Variants in PDZRN4 observed in about 807,000 individuals in gnomAD.
PDZRN4 encodes PDZ domain-containing RING finger protein 4.
A neutral mutation model predicts 99.0 loss-of-function variants in PDZRN4; 70 were observed. The ratio of observed to expected loss-of-function variants is 0.71; its 90% CI spans 0.58 to 0.86. The LOEUF (loss-of-function observed/expected upper bound fraction) is 0.86. Ranked by LOEUF, PDZRN4 falls within the 40% of genes least tolerant of loss-of-function variation. PDZRN4 has a pLI of 0.00. For missense variants in PDZRN4, 1,474 were observed against 1,331.2 expected, an observed-to-expected ratio of 1.11 and a Z score of -1.67; for synonymous variants, 551 against 501.6, an observed-to-expected ratio of 1.10 and a Z score of -1.32.
At chr12:41,424,695 A>T (rs1044643132) in intron 3 of PDZRN4, among the ~76,000 whole-genome samples, 1 of 152,126 alleles carries the variant, frequency 6.6e-6, no homozygotes, top group Non-Finnish European at 1.5e-5. Flanking sequence ...GAAAAGGTGA[A>T]TTTTTCCTTT....
chr12:41,299,665 AT>A (rs1951520842), intron 3 of PDZRN4, among the ~76,000 whole-genome samples: 1 of 151,752 alleles, frequency 6.6e-6, no homozygotes, highest in Admixed American at 6.6e-5. Context: ...TTTTAATTTA[AT>A]TTTATGGGAA....
chr12:41,349,952 T>G (rs1460980291), intron 3 of PDZRN4, among the ~76,000 whole-genome samples: 2 of 151,374 alleles, frequency 1.3e-5, no homozygotes, highest in Non-Finnish European at 2.9e-5. Context: ...CACCACATGG[T>G]TGGAGTAAAG....
intron 3 of PDZRN4, among the ~76,000 whole-genome samples, chr12:41,419,943 G>T (rs929951934): frequency 2.0e-5 from 3 of 152,140 alleles, no homozygotes; most frequent in African/African-American, 7.2e-5. Context: ...AAAGCAAGTT[G>T]TCACTTCTAA....
chr12:41,507,116 G>A (rs972189171), intron 4 of PDZRN4, among the ~76,000 whole-genome samples: 3 of 152,024 alleles, frequency 2.0e-5, no homozygotes, highest in African/African-American at 7.2e-5. Context: ...TCTCCTCTGT[G>A]GGCCACCTCT....
chr12:41,359,587 T>C (rs1951951059), intron 3 of PDZRN4, among the ~76,000 whole-genome samples: 2 of 151,970 alleles, frequency 1.3e-5, no homozygotes, highest in Admixed American at 6.6e-5. Flanking sequence ...GTTCTTGTGA[T>C]AGTAAATAAG....
At chr12:41,553,314 C>T (rs999565691) in intron 6 of PDZRN4, among the ~76,000 whole-genome samples, 2 of 152,220 alleles carry the variant, frequency 1.3e-5, no homozygotes, top group African/African-American at 2.4e-5. Context: ...ATGCGAGATA[C>T]TGTTAGTGTT....
At chr12:41,537,521 C>T (rs561310023) in intron 5 of PDZRN4, among the ~76,000 whole-genome samples, 4 of 151,986 alleles carry the variant, frequency 2.6e-5, no homozygotes, top group East Asian at 3.9e-4. Context: ...TTGGCTAGGT[C>T]GTCAGATGTG....
At chr12:41,403,466 G>A (rs193241185) in intron 3 of PDZRN4, among the ~76,000 whole-genome samples, 2 of 152,236 alleles carry the variant, frequency 1.3e-5, no homozygotes, top group South Asian at 2.1e-4. Context: ...AAATATTTCG[G>A]CTGTTTTGAA....
intron 3 of PDZRN4, among the ~76,000 whole-genome samples, chr12:41,425,452 AC>A (rs1378483453): frequency 6.6e-6 from 1 of 152,030 alleles, no homozygotes; most frequent in African/African-American, 2.4e-5. Context: ...GAACAACTGG[AC>A]AATTTTTTCT....
chr12:41,350,994 A>C (rs1221224033), intron 3 of PDZRN4, among the ~76,000 whole-genome samples: 1 of 152,180 alleles, frequency 6.6e-6, no homozygotes, highest in Non-Finnish European at 1.5e-5. Context: ...ATAGGCTTCA[A>C]TATCTGACAA....
Position 41,429,549 on chromosome 12 carries a change from T to G in PDZRN4, c.844-76907T>G, listed in dbSNP as rs571182738. On this transcript the variant is annotated intron_variant, in intron 3 of 9. Coordinates refer to ENST00000402685, the MANE Select transcript of PDZRN4 (RefSeq NM_001164595.2). ...TTCCTTCTTCTGGCCCTCTAGGAAT[T>G]TGTCATAATGATGACTGTCTCTGAG... Among the ~76,000 whole-genome samples the G allele has an allele frequency of 9.4e-4, 143 of 152,282 alleles. 1 individual carries two copies. Among genetic ancestry groups the G allele is most frequent in the Admixed American group, 1.8e-3 (27 of 15,298 alleles).
chr12:41,217,889 C>G (rs17129131), intron 3 of PDZRN4, among the ~76,000 whole-genome samples: 3,907 of 152,098 alleles, frequency 0.026, 171 homozygotes, highest in African/African-American at 0.089. Context: ...TGAAGAAATA[C>G]TGAAAAAAGA....
In PDZRN4 at chr12:41,335,492, T is replaced by C. The variant is rs1422350372; in HGVS notation, c.843+141304T>C. Among the ~76,000 whole-genome samples, 3 of 152,098 alleles carry C rather than the reference T, an allele frequency of 2.0e-5. No individual in the cohort carries two copies. In the South Asian group the frequency reaches 6.2e-4, roughly 31 times the overall value. ...CAATAACTCTTAGCTACGTTAATTA[T>C]TGAGTTTTTGAAAAACTAATTAATG... On this transcript the variant is annotated intron_variant, in intron 3 of 9. Transcript: ENST00000402685.
chr12:41,477,801 C>T (rs1937618389), intron 3 of PDZRN4: 1 of 922,274 alleles, frequency 1.1e-6, no homozygotes. Flanking sequence ...GCGCCTTTAC[C>T]ATGCATGTGG....
chr12:41,270,288 TGTGTGTGTGTGTCTGTGTGTGTG>T (rs1427792942), intron 3 of PDZRN4, among the ~76,000 whole-genome samples: 2 of 149,078 alleles, frequency 1.3e-5, no homozygotes, highest in Non-Finnish European at 3.0e-5. Context: ...GTGTGTGTGG[TGTGTGTGTGTGTCTGTGTGTGTG>T]GTGTGTGTGT....
chr12:41,406,541 C>T (rs1333299854), intron 3 of PDZRN4, among the ~76,000 whole-genome samples: 1 of 152,008 alleles, frequency 6.6e-6, no homozygotes, highest in Non-Finnish European at 1.5e-5. Context: ...AATGTGAACC[C>T]CAAATTGAGG....
At chr12:41,430,592 T>C (rs1460337944) in intron 3 of PDZRN4, among the ~76,000 whole-genome samples, 2 of 152,074 alleles carry the variant, frequency 1.3e-5, no homozygotes, top group East Asian at 3.9e-4. Flanking sequence ...ACACAATGAG[T>C]ACTTCTGTGC....
At chr12:41,276,516 A>G (rs1042540638) in intron 3 of PDZRN4, among the ~76,000 whole-genome samples, 3 of 152,166 alleles carry the variant, frequency 2.0e-5, no homozygotes, top group Non-Finnish European at 2.9e-5. Context: ...TATATTTCAT[A>G]TATTCATACA....
At chr12:41,204,676 C>T (rs1026639208) in intron 3 of PDZRN4, among the ~76,000 whole-genome samples, 6 of 151,988 alleles carry the variant, frequency 3.9e-5, no homozygotes, top group Admixed American at 3.9e-4. Context: ...CACGAAAAAG[C>T]ATGGGGGAAC....
Sources: gnomAD v4.1 joint callset for allele counts (sites outside exome capture counted in the v4.1 genomes callset) on GRCh38, gnomAD v4.1.1 for gene constraint, MANE v1.5 for transcripts, NCBI Gene and HGNC (gene_info 2026-07-23, HGNC 2026-07-21) for gene names.